LYPD6B: variants seen among roughly 807,000 people sequenced by gnomAD.
LYPD6B encodes the protein ly6/PLAUR domain-containing protein 6B.
Under a neutral mutation model 22.8 loss-of-function variants are expected in LYPD6B, and 17 were observed. The observed-to-expected ratio is 0.75, with a 90% CI of 0.51 to 1.12. The LOEUF is 1.12. Ranked by LOEUF, LYPD6B falls within the 50% of genes most tolerant of loss-of-function variation. The pLI is 0.00. For missense variants in LYPD6B, 221 were observed against 258.3 expected, an observed-to-expected ratio of 0.86 and a Z score of 0.99; for synonymous variants, 106 against 91.6, an observed-to-expected ratio of 1.16 and a Z score of -0.90.
At chr2:149,153,851 G>T (rs547166180) in intron 2 of LYPD6B, among the ~76,000 whole-genome samples, 3 of 152,214 alleles carry the variant, frequency 2.0e-5, no homozygotes, top group Non-Finnish European at 4.4e-5. Flanking sequence ...TGATCGTGAC[G>T]GCAGGCATGG....
At chr2:149,056,345 G>A (rs1227303643) in intron 1 of LYPD6B, among the ~76,000 whole-genome samples, 1 of 152,114 alleles carries the variant, frequency 6.6e-6, no homozygotes, top group Non-Finnish European at 1.5e-5. Flanking sequence ...GAGACACACA[G>A]GGATTAGGAA....
chr2:149,134,442 A>G lies in LYPD6B; in HGVS notation c.5+3489A>G, dbSNP rs574998683. On this transcript the variant is annotated intron_variant, in intron 2 of 6. Transcript: ENST00000409642. ...CACAGAAAAGACTCCAGCCTACTAA[A>G]CTCTTTATCGCTTCTAAGGTATCTG... Among the ~76,000 whole-genome samples, 7 of 152,220 alleles carry G rather than the reference A, an allele frequency of 4.6e-5. No individual in the cohort carries two copies. The South Asian group carries it at 1.4e-3, about 32-fold the overall frequency.
chr2:149,066,134 A>G (rs1394413727), intron 1 of LYPD6B, among the ~76,000 whole-genome samples: 1 of 151,558 alleles, frequency 6.6e-6, no homozygotes, highest in Non-Finnish European at 1.5e-5. Context: ...TAGAGACACT[A>G]TGTTCTATTA....
intron 3 of LYPD6B, among the ~76,000 whole-genome samples, chr2:149,175,808 A>G (rs954420749): frequency 6.6e-6 from 1 of 151,654 alleles, no homozygotes; most frequent in African/African-American, 2.4e-5. Flanking sequence ...GGTCAGGATC[A>G]TCAATATCAC....
intron 3 of LYPD6B, among the ~76,000 whole-genome samples, chr2:149,192,938 T>TG (rs1047705394): frequency 2.6e-5 from 4 of 151,942 alleles, no homozygotes. Flanking sequence ...GAGTGTTAAG[T>TG]GGGGGAGTGA....
chr2:149,068,579 C>A, intron 1 of LYPD6B: 3 of 355,654 alleles, frequency 8.4e-6, no homozygotes, highest in East Asian at 7.2e-5. Flanking sequence ...GTTATGTTTT[C>A]AGAAAACATG....
chr2:149,041,229 C>T (rs1220554538), intron 1 of LYPD6B, among the ~76,000 whole-genome samples: 1 of 151,838 alleles, frequency 6.6e-6, no homozygotes, highest in Non-Finnish European at 1.5e-5. Flanking sequence ...TTGCTTAGAA[C>T]ATCTGAAGGT....
At chr2:149,125,388 C>G (rs1191914572) in intron 1 of LYPD6B, among the ~76,000 whole-genome samples, 1 of 152,142 alleles carries the variant, frequency 6.6e-6, no homozygotes, top group Non-Finnish European at 1.5e-5. Flanking sequence ...TTTCTTTGCT[C>G]TAAGCCCCTC....
Position 149,210,452 on chromosome 2 carries a change from A to T in LYPD6B, c.328+2040A>T, listed in dbSNP as rs185725985. ...ACTATAGGCCAGGCAGGTCCCAAAG[A>T]TACTAACCACCTGGAATTCTAATTG... On this transcript the variant is annotated intron_variant, in intron 5 of 6. Transcript: ENST00000409642. Among the ~76,000 whole-genome samples the T allele has an allele frequency of 4.2e-3, 638 of 152,286 alleles. 3 individuals are homozygous for T. The highest frequency in any genetic ancestry group is 6.1e-3 in the Non-Finnish European group (414 of 68,022).
At chr2:149,170,684 T>G (rs1690757185) in intron 3 of LYPD6B, among the ~76,000 whole-genome samples, 1 of 152,218 alleles carries the variant, frequency 6.6e-6, no homozygotes, top group South Asian at 2.1e-4. Context: ...AAACCTGGCA[T>G]GTAGAAAATC....
At chr2:149,048,405 A>T (rs1683406262) in intron 1 of LYPD6B, among the ~76,000 whole-genome samples, 1 of 152,114 alleles carries the variant, frequency 6.6e-6, no homozygotes, top group South Asian at 2.1e-4. Context: ...TTAGGGTTGG[A>T]GCTGGCTTGC....
At chr2:149,050,910 T>C (rs1309535783) in intron 1 of LYPD6B, among the ~76,000 whole-genome samples, 1 of 152,150 alleles carries the variant, frequency 6.6e-6, no homozygotes, top group African/African-American at 2.4e-5. Flanking sequence ...ATTACAAAGA[T>C]GATATATATT....
intron 1 of LYPD6B, among the ~76,000 whole-genome samples, chr2:149,099,453 G>GTACCTAGGATCCTTGGTCCCCTCA (rs1686085388): frequency 6.6e-6 from 1 of 151,310 alleles, no homozygotes; most frequent in African/African-American, 2.4e-5. Flanking sequence ...TGGTCCCCTC[G>GTACCTAGGATCCTTGGTCCCCTCA]TACCTAGGAT....
intron 1 of LYPD6B, among the ~76,000 whole-genome samples, chr2:149,081,730 C>G (rs1381336739): frequency 6.6e-6 from 1 of 152,192 alleles, no homozygotes; most frequent in Non-Finnish European, 1.5e-5. Context: ...TGAAGTCTAT[C>G]AGCATCAAGT....
At chr2:149,184,074 C>T (rs182908155) in intron 3 of LYPD6B, among the ~76,000 whole-genome samples, 5 of 152,108 alleles carry the variant, frequency 3.3e-5, no homozygotes, top group African/African-American at 1.2e-4. Context: ...TGCCTGTGAT[C>T]CCAGCTACTC....
intron 3 of LYPD6B, among the ~76,000 whole-genome samples, chr2:149,179,994 G>A (rs550055334): frequency 2.2e-4 from 33 of 152,250 alleles, no homozygotes; most frequent in African/African-American, 7.2e-4. Context: ...ATAATGAAAG[G>A]AAATGTCAGA....
chr2:149,213,816 G>C (rs1023990886), intron 6 of LYPD6B, among the ~76,000 whole-genome samples: 1 of 152,170 alleles, frequency 6.6e-6, no homozygotes, highest in Non-Finnish European at 1.5e-5. Flanking sequence ...CTCAGGGTAA[G>C]GTCCTGGGTG....
At chr2:149,066,308 T>A (rs1684327011) in intron 1 of LYPD6B, among the ~76,000 whole-genome samples, 3 of 152,122 alleles carry the variant, frequency 2.0e-5, no homozygotes, top group African/African-American at 7.2e-5. Context: ...ATATATCTCC[T>A]AATGCTATCC....
At chr2:149,111,591 T>C (rs1298689442) in intron 1 of LYPD6B, among the ~76,000 whole-genome samples, 1 of 152,078 alleles carries the variant, frequency 6.6e-6, no homozygotes, top group Admixed American at 6.6e-5. Flanking sequence ...AGAAGTTCAG[T>C]TTTGACATGG....
Sources: gnomAD v4.1 joint callset for allele counts (sites outside exome capture counted in the v4.1 genomes callset) on GRCh38, gnomAD v4.1.1 for gene constraint, MANE v1.5 for transcripts, NCBI Gene and HGNC (gene_info 2026-07-23, HGNC 2026-07-21) for gene names.